SMYD3: variants seen among roughly 807,000 people sequenced by gnomAD.
The protein encoded by SMYD3 is histone-lysine N-methyltransferase SMYD3.
Under a neutral mutation model 57.7 loss-of-function variants are expected in SMYD3, and 36 were observed. That is an observed-to-expected ratio of 0.62 (90% CI 0.48 to 0.82). The LOEUF (loss-of-function observed/expected upper bound fraction) is 0.82. SMYD3 is among the 40% of genes least tolerant of loss of function. The probability of loss-of-function intolerance (pLI) is 0.00; values close to 1 mark genes in which losing one functional copy is unlikely to be tolerated. For missense variants in SMYD3, 515 were observed against 538.8 expected (o/e 0.96, Z 0.44); for synonymous variants, 211 against 195.0 (o/e 1.08, Z -0.68).
intron 5 of SMYD3, among the ~76,000 whole-genome samples, chr1:246,067,670 G>A (rs964371671): frequency 2.6e-5 from 4 of 152,050 alleles, no homozygotes; most frequent in Admixed American, 6.6e-5. Flanking sequence ...CAGTAAGGGC[G>A]ACTCGCTCCT....
At chr1:246,456,861 CACAAGGG>C (rs911555761) in intron 1 of SMYD3, among the ~76,000 whole-genome samples, 1 of 152,158 alleles carries the variant, frequency 6.6e-6, no homozygotes, top group Non-Finnish European at 1.5e-5. Context: ...TGAAGGAGGA[CACAAGGG>C]GATGGGAATG....
At chr1:246,411,481 A>G (rs912800631) in intron 1 of SMYD3, among the ~76,000 whole-genome samples, 2 of 152,170 alleles carry the variant, frequency 1.3e-5, no homozygotes, top group Non-Finnish European at 2.9e-5. Context: ...CTGGGTATAT[A>G]CCCAAAGGAT....
At chr1:245,940,038 T>G (rs755637521) in intron 5 of SMYD3, among the ~76,000 whole-genome samples, 24 of 152,162 alleles carry the variant, frequency 1.6e-4, no homozygotes, top group Non-Finnish European at 3.1e-4. Flanking sequence ...ATGGCCAGAC[T>G]GTTTCTTTAG....
intron 5 of SMYD3, among the ~76,000 whole-genome samples, chr1:246,224,820 G>C (rs899109194): frequency 6.6e-6 from 1 of 152,018 alleles, no homozygotes; most frequent in Non-Finnish European, 1.5e-5. Context: ...AAAAAATTAA[G>C]AGTAATGACT....
intron 1 of SMYD3, among the ~76,000 whole-genome samples, chr1:246,474,477 C>A (rs571662759): frequency 2.1e-5 from 3 of 140,768 alleles, no homozygotes; most frequent in Admixed American, 7.7e-5. Flanking sequence ...CAAGATTGAG[C>A]CACTGCACTC....
intron 5 of SMYD3, among the ~76,000 whole-genome samples, chr1:246,266,760 G>A (rs1003494727): frequency 2.0e-5 from 3 of 151,798 alleles, no homozygotes; most frequent in East Asian, 3.9e-4. Flanking sequence ...TTGCACCAGT[G>A]CACTCCAGCC....
intron 1 of SMYD3, among the ~76,000 whole-genome samples, chr1:246,444,346 A>G (rs1320697086): frequency 1.3e-5 from 2 of 152,042 alleles, no homozygotes; most frequent in African/African-American, 4.8e-5. Context: ...GACTGGTCTC[A>G]AACTCCTGAC....
At chr1:246,132,720 T>C (rs2061605880) in intron 5 of SMYD3, among the ~76,000 whole-genome samples, 1 of 152,098 alleles carries the variant, frequency 6.6e-6, no homozygotes, top group Non-Finnish European at 1.5e-5. Flanking sequence ...AGAAAATACT[T>C]GCAAATCATT....
intron 5 of SMYD3, among the ~76,000 whole-genome samples, chr1:246,144,788 A>AAG (rs1036809757): frequency 4.6e-5 from 7 of 152,232 alleles, no homozygotes; most frequent in Non-Finnish European, 1.0e-4. Flanking sequence ...CTTTAATGGA[A>AAG]AGAGATAAAA....
At chr1:246,284,443 G>A (rs1039220217) in intron 5 of SMYD3, among the ~76,000 whole-genome samples, 45 of 148,122 alleles carry the variant, frequency 3.0e-4, no homozygotes, top group African/African-American at 1.1e-3. Context: ...TTGAGACGGA[G>A]TCTCACTCTT....
intron 5 of SMYD3, among the ~76,000 whole-genome samples, chr1:246,058,282 T>C (rs2060188097): frequency 6.6e-6 from 1 of 152,030 alleles, no homozygotes; most frequent in African/African-American, 2.4e-5. Context: ...CCCACTCTGG[T>C]AGAGGATGCT....
At chr1:246,248,605 G>A (rs1028808196) in intron 5 of SMYD3, among the ~76,000 whole-genome samples, 1 of 148,098 alleles carries the variant, frequency 6.8e-6, no homozygotes, top group Non-Finnish European at 1.5e-5. Flanking sequence ...CACACCCTCT[G>A]GGCCAGTTAT....
intron 1 of SMYD3, among the ~76,000 whole-genome samples, chr1:246,405,691 G>A (rs1253917078): frequency 1.5e-4 from 23 of 151,976 alleles, no homozygotes; most frequent in African/African-American, 2.7e-4. Context: ...GGCGGATCAC[G>A]AGGTCAGGAG....
intron 10 of SMYD3, among the ~76,000 whole-genome samples, chr1:245,779,703 TCAAA>T (rs1378802503): frequency 1.3e-5 from 2 of 152,194 alleles, no homozygotes; most frequent in East Asian, 1.9e-4. Flanking sequence ...TTGGCTAAAA[TCAAA>T]CAAACTATCA....
chr1:245,780,701 AT>A (rs748630224), intron 10 of SMYD3, among the ~76,000 whole-genome samples: 1 of 152,212 alleles, frequency 6.6e-6, no homozygotes, highest in South Asian at 2.1e-4. Context: ...CGCTATCTCA[AT>A]TTTTTTAAAG....
chr1:245,971,741 T>A (rs564020817), intron 5 of SMYD3, among the ~76,000 whole-genome samples: 5 of 152,280 alleles, frequency 3.3e-5, no homozygotes, highest in African/African-American at 9.6e-5. Context: ...TTTATTTTTT[T>A]AAAAATAGCA....
At position 246,459,040 on chromosome 1, in the gene SMYD3, G is replaced by T. The variant is rs577963601; in HGVS notation, c.164+48014C>A. On this transcript the variant is annotated intron_variant, in intron 1 of 11. Coordinates refer to ENST00000490107, the MANE Select transcript of SMYD3 (RefSeq NM_001167740.2). ...TATCCAATTGTAATCCCCGTGTGTT[G>T]AAGGAGGGGCCTGATGGGGGGGTGA... Among the ~76,000 whole-genome samples, 5 of 152,230 alleles carry T rather than the reference G, an allele frequency of 3.3e-5. No homozygotes were observed. In the South Asian group the frequency reaches 8.3e-4, roughly 25 times the overall value.
intron 10 of SMYD3, among the ~76,000 whole-genome samples, chr1:245,803,036 T>C (rs775337421): frequency 2.6e-5 from 4 of 152,238 alleles, no homozygotes; most frequent in Non-Finnish European, 5.9e-5. Flanking sequence ...AAAGCATGAA[T>C]GTTCAAGACT....
At chr1:246,149,826 C>G (rs2061913873) in intron 5 of SMYD3, among the ~76,000 whole-genome samples, 1 of 152,144 alleles carries the variant, frequency 6.6e-6, no homozygotes, top group Non-Finnish European at 1.5e-5. Context: ...TTGAAAGCAC[C>G]ACCTATAAGA....
Sources: allele counts gnomAD v4.1 joint callset (sites outside exome capture counted in the v4.1 genomes callset), GRCh38; gene constraint gnomAD v4.1.1; transcripts MANE v1.5; gene names NCBI Gene and HGNC (gene_info 2026-07-23, HGNC 2026-07-21).